The following HSPA12A variants were observed in gnomAD, a reference collection of about 807,000 sequenced individuals.
The protein encoded by HSPA12A is heat shock protein family A (Hsp70) member 12A.
HSPA12A carries 28 observed loss-of-function variants against 69.2 expected under a neutral mutation model. The ratio of observed to expected loss-of-function variants is 0.40; its 90% CI spans 0.30 to 0.55. HSPA12A has a LOEUF of 0.55. Ranked by LOEUF, HSPA12A falls within the 20% of genes least tolerant of loss-of-function variation. The pLI is 0.38. For synonymous variants in HSPA12A, 345 were observed against 370.5 expected, an observed-to-expected ratio of 0.93 and a Z score of 0.79; for missense variants, 686 against 900.7, an observed-to-expected ratio of 0.76 and a Z score of 3.05.
intron 1 of HSPA12A, among the ~76,000 whole-genome samples, chr10:116,709,570 A>G (rs1589649843): frequency 6.6e-6 from 1 of 152,342 alleles, no homozygotes; most frequent in South Asian, 2.1e-4. Flanking sequence ...GAACCTAGAA[A>G]ATATGCTAAG....
At chr10:116,711,855 A>AT (rs1812859269) in intron 1 of HSPA12A, among the ~76,000 whole-genome samples, 1 of 151,100 alleles carries the variant, frequency 6.6e-6, no homozygotes, top group African/African-American at 2.4e-5. Context: ...AAATTTTTAA[A>AT]TTTTTTTATT....
chr10:116,695,007 C>A (rs1849845599), intron 5 of HSPA12A, among the ~76,000 whole-genome samples: 1 of 152,110 alleles, frequency 6.6e-6, no homozygotes. Context: ...CTCCCCTGTC[C>A]CCTTGTCCCC....
intron 2 of HSPA12A, among the ~76,000 whole-genome samples, chr10:116,751,747 G>C (rs551501194): frequency 6.6e-6 from 1 of 152,284 alleles, no homozygotes; most frequent in South Asian, 2.1e-4. Context: ...GACCTGGTGG[G>C]AGGTGTTTGG....
At chr10:116,832,242 A>G (rs543018465) in intron 2 of HSPA12A, 1 of 152,080 alleles carries the variant, frequency 6.6e-6, no homozygotes, top group Non-Finnish European at 1.5e-5. Context: ...ATCTTGGTTC[A>G]CTACAACCTC....
At chr10:116,829,933 C>G (rs1442653053) in intron 2 of HSPA12A, 1 of 143,190 alleles carries the variant, frequency 7.0e-6, no homozygotes, top group East Asian at 2.2e-4. Context: ...GTCAGTCTTA[C>G]CCTAAACATA....
intron 1 of HSPA12A, among the ~76,000 whole-genome samples, chr10:116,844,536 TA>T (rs1168211521): frequency 3.3e-5 from 5 of 152,242 alleles, no homozygotes; most frequent in Non-Finnish European, 5.9e-5. Flanking sequence ...TCTGATTTTC[TA>T]GATGAGGAAT....
chr10:116,815,487 A>C (rs998125519), intron 2 of HSPA12A, among the ~76,000 whole-genome samples: 1 of 152,180 alleles, frequency 6.6e-6, no homozygotes, highest in African/African-American at 2.4e-5. Flanking sequence ...AGGCAGGAGA[A>C]TTGCTTGAAC....
rs71013609 is a variant in HSPA12A at position 116,696,002 on chromosome 10, CAAAAAAAAAA to C, written c.546+2623_546+2632del. The stretch of plus-strand genomic sequence containing the variant: ...TGGGCAACAGAGAGAGACTCCATCT[CAAAAAAAAAA>C]AAAAAAAAAAAGGCTTGCAGGTTTC... On this transcript the variant is annotated intron_variant, in intron 5 of 11. Coordinates refer to ENST00000369209, the MANE Select transcript of HSPA12A (RefSeq NM_025015.3). Among the ~76,000 whole-genome samples, 261 of 32,730 alleles carry C rather than the reference CAAAAAAAAAA, an allele frequency of 8.0e-3. 18 individuals carry two copies. The highest frequency in any genetic ancestry group is 0.038 in the African/African-American group (249 of 6,496). 21.5% of individuals were successfully genotyped at this position (32,730 alleles called of 152,430 possible). A position where few individuals can be genotyped will look rare whatever the true frequency, so the allele number is the denominator to read the frequency against.
At chr10:116,737,135 A>T (rs950943268) in intron 1 of HSPA12A, among the ~76,000 whole-genome samples, 1 of 152,226 alleles carries the variant, frequency 6.6e-6, no homozygotes. Flanking sequence ...TATGGGGTTA[A>T]GTAACTTGCC....
rs567313264 is a variant in HSPA12A, at chr10:116,791,797, C to T, written c.91+43138G>A. Among the ~76,000 whole-genome samples, 4 of 152,210 alleles carry T rather than the reference C, an allele frequency of 2.6e-5. No individual in the cohort carries two copies. In the South Asian group the frequency reaches 8.3e-4, roughly 32 times the overall value. On this transcript the variant is annotated intron_variant, in intron 2 of 12. Transcript: ENST00000635765. ...CAGCACCCCCGAGTTCACCTCTCCTCTTCCACGGGCATGTGGTTTCCCTGC... is the reference window on the plus strand; with the variant it reads ...CAGCACCCCCGAGTTCACCTCTCCTTTTCCACGGGCATGTGGTTTCCCTGC...
chr10:116,685,584 G>A (rs772558601), intron 6 of HSPA12A, among the ~76,000 whole-genome samples: 7 of 150,738 alleles, frequency 4.6e-5, no homozygotes, highest in Non-Finnish European at 1.0e-4. Flanking sequence ...GCAGTGAGCC[G>A]AGATGGTGCC....
At chr10:116,758,024 C>T (rs1041567753) in intron 2 of HSPA12A, among the ~76,000 whole-genome samples, 1 of 152,144 alleles carries the variant, frequency 6.6e-6, no homozygotes, top group Non-Finnish European at 1.5e-5. Flanking sequence ...TTCTCCACCC[C>T]CACAACATTT....
At chr10:116,717,419 C>T (rs1329324753) in intron 1 of HSPA12A, among the ~76,000 whole-genome samples, 3 of 152,124 alleles carry the variant, frequency 2.0e-5, no homozygotes, top group Non-Finnish European at 4.4e-5. Flanking sequence ...GACTGTGTGG[C>T]GTATTCTTTG....
intron 2 of HSPA12A, among the ~76,000 whole-genome samples, chr10:116,778,027 G>A (rs1844379909): frequency 6.6e-6 from 1 of 152,114 alleles, no homozygotes; most frequent in African/African-American, 2.4e-5. Flanking sequence ...CACCCAGCCT[G>A]TTATTTAACT....
At chr10:116,697,857 AG>A (rs1165796546) in intron 5 of HSPA12A, among the ~76,000 whole-genome samples, 2 of 71,486 alleles carry the variant, frequency 2.8e-5, no homozygotes, top group Non-Finnish European at 5.8e-5. Flanking sequence ...AGCCCTGCGC[AG>A]AAAAAGTCTC....
At chr10:116,836,005 C>T (rs984074921) in intron 1 of HSPA12A, among the ~76,000 whole-genome samples, 1 of 152,106 alleles carries the variant, frequency 6.6e-6, no homozygotes, top group African/African-American at 2.4e-5. Context: ...AACGGCTCAT[C>T]ATGATGGGGC....
intron 2 of HSPA12A, among the ~76,000 whole-genome samples, chr10:116,773,768 A>G (rs1182463990): frequency 6.6e-6 from 1 of 152,242 alleles, no homozygotes; most frequent in Non-Finnish European, 1.5e-5. Flanking sequence ...GCAGGGGCAA[A>G]GCTGCAAAAC....
At chr10:116,707,056 G>C in intron 2 of HSPA12A, 144 bp downstream of exon 2, 1 of 668,346 alleles carries the variant, frequency 1.5e-6, no homozygotes, top group Non-Finnish European at 2.4e-6. Flanking sequence ...TCTCCAACCA[G>C]TGAATGTGAG....
intron 2 of HSPA12A, among the ~76,000 whole-genome samples, chr10:116,812,473 T>TA (rs1554895006): frequency 1.3e-5 from 2 of 150,624 alleles, no homozygotes; most frequent in Non-Finnish European, 3.0e-5. Flanking sequence ...TAAAATAAAA[T>TA]AAATAAAATA....
Sources: gnomAD v4.1 joint callset for allele counts (sites outside exome capture counted in the v4.1 genomes callset) on GRCh38, gnomAD v4.1.1 for gene constraint, MANE v1.5 for transcripts, NCBI Gene and HGNC (gene_info 2026-07-23, HGNC 2026-07-21) for gene names.